The following PSEN1 variants were observed in gnomAD, a reference collection of about 807,000 sequenced individuals.
The protein encoded by PSEN1 is presenilin-1.
In PSEN1, 15 loss-of-function variants were observed where a neutral mutation model predicts 53.5. The ratio of observed to expected loss-of-function variants is 0.28; its 90% CI spans 0.19 to 0.43. PSEN1 has a LOEUF of 0.43. PSEN1 is among the 20% of genes least tolerant of loss of function. The probability of loss-of-function intolerance (pLI) is 1.00; values close to 1 mark genes in which losing one functional copy is unlikely to be tolerated. For missense variants in PSEN1, 387 were observed against 571.2 expected (o/e 0.68, Z 3.29); for synonymous variants, 208 against 209.8 (o/e 0.99, Z 0.08).
chr14:73,144,871 GTTTA>G (rs1041233199), intron 1 of PSEN1, among the ~76,000 whole-genome samples: 7 of 152,022 alleles, frequency 4.6e-5, no homozygotes, highest in Admixed American at 2.0e-4. Context: ...GCATAATATA[GTTTA>G]TTTATATACC....
chr14:73,197,731 C>T (rs1161700400), intron 7 of PSEN1: 11 of 382,784 alleles, frequency 2.9e-5, no homozygotes, highest in Admixed American at 4.1e-5. Flanking sequence ...TGCAGCTTTC[C>T]TTTAAACTAG....
intron 4 of PSEN1, among the ~76,000 whole-genome samples, chr14:73,172,078 C>T (rs571773400): frequency 2.6e-5 from 4 of 152,218 alleles, no homozygotes; most frequent in African/African-American, 4.8e-5. Context: ...AATGGCCAAA[C>T]GAATTGTTAA....
At chr14:73,139,097 C>G (rs1043249432) in intron 1 of PSEN1, among the ~76,000 whole-genome samples, 28 of 150,004 alleles carry the variant, frequency 1.9e-4, no homozygotes, top group Non-Finnish European at 1.5e-4. Flanking sequence ...TCCTGGCTCA[C>G]GCGGTGAAAC....
rs1164987359 is a variant in PSEN1 at position 73,194,977 on chromosome 14, G to A, written c.769+2113G>A. Reference sequence around the variant, plus strand: ...CGAAGAAGTCTGTGGAAATAGGATTGAACTGGTTCTGTTCTTGTATTTGAG... The same window carrying A: ...CGAAGAAGTCTGTGGAAATAGGATTAAACTGGTTCTGTTCTTGTATTTGAG... On this transcript the variant is annotated intron_variant, in intron 7 of 11. Transcript: ENST00000324501. Among the ~76,000 whole-genome samples, 3 of 152,188 alleles carry A rather than the reference G, an allele frequency of 2.0e-5. No homozygotes were observed. The East Asian group carries it at 5.8e-4, about 29-fold the overall frequency.
At chr14:73,151,463 C>G (rs1897221582) in intron 3 of PSEN1, among the ~76,000 whole-genome samples, 1 of 152,122 alleles carries the variant, frequency 6.6e-6, no homozygotes, top group Non-Finnish European at 1.5e-5. Context: ...TGTATTACAT[C>G]TATCTCAGAA....
At chr14:73,171,797 C>A (rs980630292) in intron 4 of PSEN1, among the ~76,000 whole-genome samples, 1 of 152,152 alleles carries the variant, frequency 6.6e-6, no homozygotes, top group African/African-American at 2.4e-5. Context: ...AAGTAGAAGG[C>A]AAAGAATTGA....
chr14:73,157,048 A>T (rs928764583), intron 3 of PSEN1, among the ~76,000 whole-genome samples: 1 of 152,032 alleles, frequency 6.6e-6, no homozygotes, highest in East Asian at 1.9e-4. Context: ...TCCTTTCGGA[A>T]ATCCCTCAGT....
intron 1 of PSEN1, among the ~76,000 whole-genome samples, chr14:73,138,650 C>G (rs1896818957): frequency 6.6e-6 from 1 of 151,840 alleles, no homozygotes; most frequent in African/African-American, 2.4e-5. Flanking sequence ...CTGTGCCTAG[C>G]CATAAACACA....
At chr14:73,160,318 C>T (rs1057078844) in intron 3 of PSEN1, among the ~76,000 whole-genome samples, 31 of 152,362 alleles carry the variant, frequency 2.0e-4, no homozygotes, top group African/African-American at 5.5e-4. Context: ...ACTTCCACTT[C>T]GTGGCTATAC....
chr14:73,147,468 T>A (rs1281666185), intron 1 of PSEN1: 1 of 165,296 alleles, frequency 6.0e-6, no homozygotes, highest in African/African-American at 2.4e-5. Flanking sequence ...GACAAATGAT[T>A]TTATGAAAAT....
intron 1 of PSEN1, among the ~76,000 whole-genome samples, chr14:73,137,725 A>AT (rs779946625): frequency 6.6e-6 from 1 of 152,154 alleles, no homozygotes; most frequent in Non-Finnish European, 1.5e-5. Context: ...GTTGGCAGGG[A>AT]TTTTGAGTGT....
chr14:73,177,312 C>T (rs766955269), intron 5 of PSEN1, among the ~76,000 whole-genome samples: 21 of 152,236 alleles, frequency 1.4e-4, no homozygotes, highest in Non-Finnish European at 2.1e-4. Flanking sequence ...TACCTGGTAG[C>T]ATATAAATCA....
intron 5 of PSEN1, among the ~76,000 whole-genome samples, chr14:73,183,410 A>G (rs1439348588): frequency 2.0e-5 from 3 of 152,030 alleles, no homozygotes; most frequent in Non-Finnish European, 2.9e-5. Flanking sequence ...AAGTGAACAA[A>G]GGTCTCTGGT....
Position 73,147,989 on chromosome 14 carries a change from T to C in PSEN1, c.-31T>C. On this transcript the variant is annotated 5_prime_UTR_variant, in exon 3 of 12. Coordinates refer to ENST00000324501, the MANE Select transcript of PSEN1 (RefSeq NM_000021.4). ...CAGAACCTCAAGAGGCTTTGTTTTCTGTGAAACAGTATTTCTATACAGTTG... is the reference window on the plus strand; with the variant it reads ...CAGAACCTCAAGAGGCTTTGTTTTCCGTGAAACAGTATTTCTATACAGTTG... The C allele has an allele frequency of 6.4e-7, 1 of 1,561,072 alleles. No homozygotes were observed. The highest frequency in any genetic ancestry group is 8.8e-7 in the Non-Finnish European group (1 of 1,131,716).
At chr14:73,149,395 A>G (rs1033205012) in intron 3 of PSEN1, among the ~76,000 whole-genome samples, 1 of 151,896 alleles carries the variant, frequency 6.6e-6, no homozygotes, top group Non-Finnish European at 1.5e-5. Context: ...ACATTTCACT[A>G]CAAACAGTCA....
At chr14:73,193,000 C>T (rs1857574454) in intron 7 of PSEN1, 136 bp downstream of exon 7, 1 of 752,448 alleles carries the variant, frequency 1.3e-6, no homozygotes. Context: ...CATTAATTAG[C>T]TATAGTAACT....
chr14:73,173,772 C>T (rs775926772), intron 5 of PSEN1, 65 bp downstream of exon 5: 2 of 1,549,788 alleles, frequency 1.3e-6, no homozygotes, highest in Admixed American at 1.7e-5. Flanking sequence ...ATTCTTGTCA[C>T]AGTAACTTAA....
chr14:73,142,969 T>G (rs1408039968), intron 1 of PSEN1, among the ~76,000 whole-genome samples: 1 of 152,194 alleles, frequency 6.6e-6, no homozygotes, highest in African/African-American at 2.4e-5. Flanking sequence ...TACTCCCACC[T>G]ACTCCTCAAT....
rs1035290962 is a variant in PSEN1, at chr14:73,197,709, C to T, written c.770-322C>T. The T allele has an allele frequency of 3.2e-5, 11 of 345,498 alleles. No homozygotes were observed. In the Admixed American group the frequency reaches 4.9e-4, roughly 15 times the overall value. The allele number at this position is 345,498 out of a possible 1,614,324, so 21.4% of individuals were successfully genotyped here. A position where few individuals can be genotyped will look rare whatever the true frequency, so the allele number is the denominator to read the frequency against. ...GACAACTGCTTAAAATAGTCTATCT[C>T]ATCATTATCTCTGCAGCTTTCCTTT... is the stretch of plus-strand genomic sequence containing the variant. On this transcript the variant is annotated intron_variant, in intron 7 of 11. Transcript: ENST00000324501.
Sources: gnomAD v4.1 joint callset for allele counts (sites outside exome capture counted in the v4.1 genomes callset) on GRCh38, gnomAD v4.1.1 for gene constraint, MANE v1.5 for transcripts, NCBI Gene and HGNC (gene_info 2026-07-23, HGNC 2026-07-21) for gene names.